GALNT15: variants seen among roughly 807,000 people sequenced by gnomAD.
The protein encoded by GALNT15 is UDP-GalNAc transferase T15.
In GALNT15, 67 loss-of-function variants were observed where a neutral mutation model predicts 66.8. The ratio of observed to expected loss-of-function variants is 1.00; its 90% CI spans 0.82 to 1.23. The LOEUF is 1.23. Among genes scored for constraint, GALNT15 ranks in the 50% most tolerant of loss-of-function variants. The pLI, the probability that GALNT15 is intolerant of heterozygous loss-of-function variation, is 0.00. For missense variants in GALNT15, 827 were observed against 804.3 expected (o/e 1.03, Z -0.34); for synonymous variants, 313 against 311.5 (o/e 1.00, Z -0.05).
rs1010731997 is a variant in GALNT15 at position 16,200,240 on chromosome 3, C to G, written c.707-379C>G. On this transcript the variant is annotated intron_variant, in intron 2 of 9. Transcript: ENST00000339732. The surrounding 1 kb of genome is among the most constrained non-coding windows in gnomAD (Gnocchi z 4.4). ...ATGATCCAATCACCTCCCACCAGGT[C>G]CCTCCCTCGCCACATAGGGATTATG... is the stretch of plus-strand genomic sequence containing the variant. Among the ~76,000 whole-genome samples, 1 of 152,172 alleles carries G rather than the reference C, an allele frequency of 6.6e-6. No homozygotes were observed. The highest frequency in any genetic ancestry group is 1.5e-5 in the Non-Finnish European group (1 of 68,030).
the GALNT15 span, among the ~76,000 whole-genome samples, chr3:16,241,620 C>G: frequency 6.6e-6 from 1 of 152,154 alleles, no homozygotes; most frequent in Non-Finnish European, 1.5e-5. This position sits in a 1 kb window ranked among gnomAD's most constrained non-coding sequence, Gnocchi z 4.6. Context: ...GCGATCTCGG[C>G]TCACTGCAAC....
intron 8 of GALNT15, among the ~76,000 whole-genome samples, chr3:16,220,993 G>A (rs1015641215): frequency 1.3e-5 from 2 of 152,216 alleles, no homozygotes; most frequent in African/African-American, 4.8e-5. Flanking sequence ...CAAGTGCTAA[G>A]TGAAGAAGCC....
the GALNT15 span, among the ~76,000 whole-genome samples, chr3:16,248,138 C>G: frequency 1.3e-5 from 2 of 152,194 alleles, no homozygotes; most frequent in Non-Finnish European, 2.9e-5. This position sits in a 1 kb window ranked among gnomAD's most constrained non-coding sequence, Gnocchi z 4.9. Flanking sequence ...CTGCCTCCCT[C>G]CCCCGCTCAA....
At chr3:16,213,724 G>T (rs1378576875) in intron 6 of GALNT15, among the ~76,000 whole-genome samples, 1 of 152,306 alleles carries the variant, frequency 6.6e-6, no homozygotes, top group South Asian at 2.1e-4. Context: ...CACACTGCTG[G>T]GGTGTGAGTT....
intron 4 of GALNT15, among the ~76,000 whole-genome samples, chr3:16,210,178 G>C (rs1018168): frequency 0.55 from 84,034 of 152,024 alleles, 23,415 homozygotes; most frequent in East Asian, 0.58. Context: ...TAGTCATCCC[G>C]CAAAACCCAA....
At position 16,230,057 on chromosome 3, in the gene GALNT15, G is replaced by A. The variant is rs1280513625; in HGVS notation, c.*2557G>A. 6.6e-6 allele frequency among the ~76,000 whole-genome samples: 1 copy of A among 152,124 alleles called. No individual in the cohort carries two copies. Among genetic ancestry groups the A allele is most frequent in the East Asian group, 1.9e-4 (1 of 5,206 alleles). On this transcript the variant is annotated 3_prime_UTR_variant, in exon 10 of 10. Coordinates refer to ENST00000339732, the MANE Select transcript of GALNT15 (RefSeq NM_054110.5). The surrounding 1 kb of genome is among the most constrained non-coding windows in gnomAD (Gnocchi z 4.5). Reference sequence around the variant, plus strand: ...GATCAATTTAAAAGTAGAGAAACTTGTCAGTTGAGAGATCTGATTCCCAAG... The same window carrying A: ...GATCAATTTAAAAGTAGAGAAACTTATCAGTTGAGAGATCTGATTCCCAAG...
chr3:16,198,335 C>A (rs1384362879), intron 2 of GALNT15, among the ~76,000 whole-genome samples: 1 of 132,090 alleles, frequency 7.6e-6, no homozygotes, highest in African/African-American at 3.1e-5. Flanking sequence ...GAGGCCAGTC[C>A]GGTTTGTGCT....
Position 16,195,679 on chromosome 3 carries a change from G to A in GALNT15, c.540-81G>A. 2.3e-6 allele frequency: 3 copies of A among 1,325,218 alleles called. No homozygotes were observed. Among genetic ancestry groups the A allele is most frequent in the Non-Finnish European group, 3.1e-6 (3 of 953,992 alleles). 82.1% of individuals were successfully genotyped at this position (1,325,218 alleles called of 1,614,324 possible). On this transcript the variant is annotated intron_variant, in intron 1 of 9. Coordinates refer to ENST00000339732, the MANE Select transcript of GALNT15 (RefSeq NM_054110.5). This position sits in a 1 kb window ranked among gnomAD's most constrained non-coding sequence, Gnocchi z 4.6. Reference sequence around the variant, plus strand: ...TATAATGGGGGCAGCTCCAGCCAGAGCAAAGGAAGCGAGTTAGAGGGTGTG... The same window carrying A: ...TATAATGGGGGCAGCTCCAGCCAGAACAAAGGAAGCGAGTTAGAGGGTGTG...
intron 9 of GALNT15, among the ~76,000 whole-genome samples, chr3:16,223,782 T>C (rs1030560487): frequency 6.7e-5 from 10 of 149,678 alleles, no homozygotes; most frequent in Admixed American, 1.3e-4. Context: ...AGCCTCTGCC[T>C]CCCAGGTTCA....
At position 16,227,622 on chromosome 3, in the gene GALNT15, GA is replaced by G; in HGVS notation, c.*128del. 1 of 1,537,278 alleles carries G rather than the reference GA, an allele frequency of 6.5e-7. No homozygotes were observed. The highest frequency in any genetic ancestry group is 8.7e-7 in the Non-Finnish European group (1 of 1,150,944). On this transcript the variant is annotated 3_prime_UTR_variant, in exon 10 of 10. Coordinates refer to ENST00000339732, the MANE Select transcript of GALNT15 (RefSeq NM_054110.5). This position sits in a 1 kb window ranked among gnomAD's most constrained non-coding sequence, Gnocchi z 4.5. ...TGTGTGTGCTCCTGGTGTTAGGAGA[GA>G]AAAAAGCTCTATGAAAGAATATAGG...
rs36127239 is a variant in GALNT15, at chr3:16,207,501, TAAAAAA to T, written c.912-965_912-960del. On this transcript the variant is annotated intron_variant, in intron 3 of 9. Coordinates refer to ENST00000339732, the MANE Select transcript of GALNT15 (RefSeq NM_054110.5). ...ACTCTGCAGTCATATCTCCAGGCTGTAAAAAAAAAAAAAAAAAAAAAAAAAAAAAAA... is the reference window on the plus strand; with the variant it reads ...ACTCTGCAGTCATATCTCCAGGCTGTAAAAAAAAAAAAAAAAAAAAAAAAA... Among the ~76,000 whole-genome samples, 219 of 39,840 alleles carry T rather than the reference TAAAAAA, an allele frequency of 5.5e-3. 3 individuals are homozygous for T. The highest frequency in any genetic ancestry group is 6.2e-3 in the Non-Finnish European group (146 of 23,690). The allele number at this position is 39,840 out of a possible 152,430, so 26.1% of individuals were successfully genotyped here.
downstream of GALNT15, among the ~76,000 whole-genome samples, chr3:16,234,416 T>A (rs980525807): frequency 2.6e-5 from 4 of 152,120 alleles, no homozygotes; most frequent in African/African-American, 9.7e-5. Context: ...CCAGAAGCAG[T>A]CCTCAATTGA....
rs1161666564 is a variant in GALNT15, at chr3:16,203,747, G to A, written c.911+2924G>A. ...CCCTAGTGTCCAGCTTTTAGGCACTGGCAGGTGAGGATCTGGAAGAAAAGC... is the reference window on the plus strand; with the variant it reads ...CCCTAGTGTCCAGCTTTTAGGCACTAGCAGGTGAGGATCTGGAAGAAAAGC... On this transcript the variant is annotated intron_variant, in intron 3 of 9. Coordinates refer to ENST00000339732, the MANE Select transcript of GALNT15 (RefSeq NM_054110.5). The surrounding 1 kb of genome is among the most constrained non-coding windows in gnomAD (Gnocchi z 6.2). Among the ~76,000 whole-genome samples, 1 of 152,112 alleles carries A rather than the reference G, an allele frequency of 6.6e-6. No homozygotes were observed. Among genetic ancestry groups the A allele is most frequent in the Non-Finnish European group, 1.5e-5 (1 of 68,030 alleles).
At chr3:16,231,949 G>A, downstream of GALNT15, 3 of 1,520,832 alleles carry the variant, frequency 2.0e-6, no homozygotes, top group Non-Finnish European at 2.6e-6. This position sits in a 1 kb window ranked among gnomAD's most constrained non-coding sequence, Gnocchi z 4.1. Context: ...ATCAAGGGTG[G>A]CATTGTTTAA....
At chr3:16,245,380 C>A in the GALNT15 span, among the ~76,000 whole-genome samples, 2 of 152,194 alleles carry the variant, frequency 1.3e-5, no homozygotes, top group African/African-American at 4.8e-5. Flanking sequence ...ATAACACAGG[C>A]TTTCTAGACT....
intron 6 of GALNT15, among the ~76,000 whole-genome samples, chr3:16,213,269 C>T (rs902381145): frequency 1.7e-4 from 26 of 151,752 alleles, no homozygotes; most frequent in African/African-American, 6.3e-4. Flanking sequence ...TCCTGGCTAA[C>T]ATGGTGAAAC....
the GALNT15 span, among the ~76,000 whole-genome samples, chr3:16,246,729 A>G: frequency 6.6e-6 from 1 of 152,186 alleles, no homozygotes; most frequent in East Asian, 1.9e-4. Flanking sequence ...ATATAGGAAT[A>G]CTCTTCTAAC....
intron 6 of GALNT15, among the ~76,000 whole-genome samples, chr3:16,217,029 G>A (rs540863616): frequency 2.6e-4 from 40 of 152,272 alleles, no homozygotes; most frequent in African/African-American, 8.9e-4. Flanking sequence ...AGGTTGGGGG[G>A]GTCGGGGAAA....
rs1199981134 is a variant in GALNT15 at position 16,229,611 on chromosome 3, A to G, written c.*2111A>G. ...CAAATTCTCAGATGGCGACCGTGTAAATGGTATTAGCGGCTGAAGAAAAAA... is the reference window on the plus strand; with the variant it reads ...CAAATTCTCAGATGGCGACCGTGTAGATGGTATTAGCGGCTGAAGAAAAAA... On this transcript the variant is annotated 3_prime_UTR_variant, in exon 10 of 10. Coordinates refer to ENST00000339732, the MANE Select transcript of GALNT15 (RefSeq NM_054110.5). 1 of 985,324 alleles carries G rather than the reference A, an allele frequency of 1.0e-6. No individual in the cohort carries two copies. Among genetic ancestry groups the G allele is most frequent in the Non-Finnish European group, 1.2e-6 (1 of 829,930 alleles). The allele number at this position is 985,324 out of a possible 1,614,324, so 61.0% of individuals were successfully genotyped here.
Sources: gnomAD v4.1 joint callset for allele counts (sites outside exome capture counted in the v4.1 genomes callset) on GRCh38, gnomAD v4.1.1 for gene constraint, Gnocchi (gnomAD v3.1) non-coding constraint, MANE v1.5 for transcripts, NCBI Gene and HGNC (gene_info 2026-07-23, HGNC 2026-07-21) for gene names.